The following GALNT13 variants were observed in gnomAD, a reference collection of about 807,000 sequenced individuals.
GALNT13 encodes UDP-GalNAc:polypeptide N-acetylgalactosaminyltransferase 13.
A neutral mutation model predicts 64.2 loss-of-function variants in GALNT13; 28 were observed. The observed-to-expected ratio is 0.44, with a 90% CI of 0.32 to 0.60. The LOEUF (loss-of-function observed/expected upper bound fraction) is 0.60. Ranked by LOEUF, GALNT13 falls within the 20% of genes least tolerant of loss-of-function variation. The pLI is 0.05. For missense variants in GALNT13, 577 were observed against 669.8 expected (o/e 0.86, Z 1.53); for synonymous variants, 214 against 224.6 (o/e 0.95, Z 0.42).
the GALNT13 span, among the ~76,000 whole-genome samples, chr2:153,492,759 T>C: frequency 6.6e-6 from 1 of 151,128 alleles, no homozygotes; most frequent in Non-Finnish European, 1.5e-5. Context: ...ATTTTCAGCA[T>C]GTGTGATACA....
chr2:153,403,857 C>G, the GALNT13 span, among the ~76,000 whole-genome samples: 3 of 152,182 alleles, frequency 2.0e-5, no homozygotes, highest in Admixed American at 1.3e-4. Flanking sequence ...GAACCCGGTA[C>G]CTCAGATGGA....
the GALNT13 span, among the ~76,000 whole-genome samples, chr2:153,479,532 C>G: frequency 1.3e-5 from 2 of 152,012 alleles, no homozygotes; most frequent in Non-Finnish European, 2.9e-5. Flanking sequence ...AGGTAGTTGC[C>G]GGGAGCAGGG....
chr2:154,067,583 A>T (rs1159410139), intron 3 of GALNT13, among the ~76,000 whole-genome samples: 5 of 152,114 alleles, frequency 3.3e-5, no homozygotes, highest in African/African-American at 1.2e-4. Flanking sequence ...TAGCCAGAGG[A>T]TATAACATTT....
intron 3 of GALNT13, among the ~76,000 whole-genome samples, chr2:154,112,320 T>C (rs1290612725): frequency 1.3e-5 from 2 of 152,184 alleles, no homozygotes; most frequent in Admixed American, 1.3e-4. Flanking sequence ...GGCCACTTTG[T>C]TCATGGGCCC....
the GALNT13 span, among the ~76,000 whole-genome samples, chr2:153,743,967 C>T: frequency 2.0e-5 from 3 of 152,106 alleles, no homozygotes; most frequent in Non-Finnish European, 4.4e-5. Context: ...GCATCATGAC[C>T]TCCAGTTCCA....
chr2:153,145,462 G>A, the GALNT13 span, among the ~76,000 whole-genome samples: 1 of 151,930 alleles, frequency 6.6e-6, no homozygotes, highest in African/African-American at 2.4e-5. Flanking sequence ...TCATTTCAAA[G>A]GTTGCTGATT....
intron 3 of GALNT13, among the ~76,000 whole-genome samples, chr2:153,959,615 C>T (rs1692802441): frequency 6.6e-6 from 1 of 152,146 alleles, no homozygotes; most frequent in Admixed American, 6.5e-5. Context: ...CCTAGCTTTA[C>T]CAAATATTAT....
the GALNT13 span, among the ~76,000 whole-genome samples, chr2:153,847,058 C>G: frequency 1.3e-5 from 2 of 151,814 alleles, no homozygotes; most frequent in Admixed American, 1.3e-4. Flanking sequence ...AAAATGTATT[C>G]CCTATAAAAA....
At chr2:153,419,202 G>A in the GALNT13 span, among the ~76,000 whole-genome samples, 1 of 152,152 alleles carries the variant, frequency 6.6e-6, no homozygotes, top group African/African-American at 2.4e-5. Context: ...TCTTCACATG[G>A]TGGCAGCAAC....
In GALNT13 at chr2:153,940,888, T is replaced by C. The variant is rs140657128; in HGVS notation, c.-104-3506T>C. Among the ~76,000 whole-genome samples the C allele has an allele frequency of 2.0e-5, 3 of 152,248 alleles. No individual in the cohort carries two copies. In the East Asian group the frequency reaches 5.8e-4, roughly 29 times the overall value. On this transcript the variant is annotated intron_variant, in intron 2 of 12. Coordinates refer to ENST00000392825, the MANE Select transcript of GALNT13 (RefSeq NM_052917.4). ...ACAAAAGAAAGTTTATGACTATAGA[T>C]AAAAATATGTCTAATAGCAAGTAAA...
chr2:153,702,536 T>C, the GALNT13 span, among the ~76,000 whole-genome samples: 20 of 151,948 alleles, frequency 1.3e-4, no homozygotes, highest in African/African-American at 4.8e-4. Context: ...TAGGCCAGGA[T>C]GGGGAGAAGA....
chr2:153,498,488 A>G, the GALNT13 span, among the ~76,000 whole-genome samples: 1 of 152,188 alleles, frequency 6.6e-6, no homozygotes, highest in Non-Finnish European at 1.5e-5. Context: ...GCCACTTTGC[A>G]CAGCCAGGCA....
chr2:153,553,050 G>A, the GALNT13 span, among the ~76,000 whole-genome samples: 1 of 152,134 alleles, frequency 6.6e-6, no homozygotes, highest in Non-Finnish European at 1.5e-5. Flanking sequence ...CCCTTTTCTA[G>A]AACATAGAGA....
At chr2:153,974,049 T>C (rs1260744438) in intron 3 of GALNT13, among the ~76,000 whole-genome samples, 2 of 152,100 alleles carry the variant, frequency 1.3e-5, no homozygotes, top group East Asian at 3.9e-4. Context: ...CTTGACATTG[T>C]GCTTTTTCCT....
chr2:154,048,038 C>A (rs1417010596), intron 3 of GALNT13, among the ~76,000 whole-genome samples: 1 of 152,184 alleles, frequency 6.6e-6, no homozygotes. Flanking sequence ...GCAGGCTGTT[C>A]AGGGAGCATA....
intron 2 of GALNT13, among the ~76,000 whole-genome samples, chr2:153,920,368 A>G (rs1180556579): frequency 6.6e-6 from 1 of 152,110 alleles, no homozygotes; most frequent in Non-Finnish European, 1.5e-5. Flanking sequence ...AGCTAACAAA[A>G]ACAAGCAATG....
chr2:153,743,461 T>C, the GALNT13 span, among the ~76,000 whole-genome samples: 37 of 152,216 alleles, frequency 2.4e-4, no homozygotes, highest in African/African-American at 8.9e-4. Context: ...TTTTTTAATT[T>C]CAATTTTAAT....
chr2:154,294,086 C>T (rs1281697840), intron 8 of GALNT13, among the ~76,000 whole-genome samples: 1 of 152,208 alleles, frequency 6.6e-6, no homozygotes, highest in East Asian at 1.9e-4. Context: ...TCTACACATT[C>T]TGTGAGCACA....
intron 3 of GALNT13, among the ~76,000 whole-genome samples, chr2:153,952,812 G>A (rs1405692158): frequency 1.3e-5 from 2 of 152,130 alleles, no homozygotes; most frequent in African/African-American, 4.8e-5. Context: ...TTCAATCTGT[G>A]GTTGAAGTTA....
Sources: gnomAD v4.1 joint callset for allele counts (sites outside exome capture counted in the v4.1 genomes callset) on GRCh38, gnomAD v4.1.1 for gene constraint, MANE v1.5 for transcripts, NCBI Gene and HGNC (gene_info 2026-07-23, HGNC 2026-07-21) for gene names.